The following DOCK10 variants were observed in gnomAD, a reference collection of about 807,000 sequenced individuals.
DOCK10 encodes dedicator of cytokinesis protein 10.
Under a neutral mutation model 280.1 loss-of-function variants are expected in DOCK10, and 145 were observed. That is an observed-to-expected ratio of 0.52 (90% confidence interval 0.45 to 0.59). The LOEUF (loss-of-function observed/expected upper bound fraction) is 0.59, where lower values mean the gene tolerates loss of function less well. Ranked by LOEUF, DOCK10 falls within the 20% of genes least tolerant of loss-of-function variation. The probability of loss-of-function intolerance (pLI) is 0.00; values close to 1 mark genes in which losing one functional copy is unlikely to be tolerated. For missense variants in DOCK10, 2,368 were observed against 2,651.7 expected (o/e 0.89, Z 2.35); for synonymous variants, 915 against 942.2 (o/e 0.97, Z 0.53).
chr2:224,971,175 A>G (rs1705060706), intron 1 of DOCK10, among the ~76,000 whole-genome samples: 1 of 152,190 alleles, frequency 6.6e-6, no homozygotes, highest in African/African-American at 2.4e-5. Flanking sequence ...TTTTAAAGAG[A>G]AGTACCATTT....
intron 28 of DOCK10, among the ~76,000 whole-genome samples, chr2:224,822,003 A>T (rs1281504889): frequency 6.6e-6 from 1 of 152,208 alleles, no homozygotes; most frequent in African/African-American, 2.4e-5. Flanking sequence ...AACACATTAA[A>T]AAAAAGAAAT....
At chr2:225,023,342 A>G (rs563445833) in intron 1 of DOCK10, among the ~76,000 whole-genome samples, 61 of 152,208 alleles carry the variant, frequency 4.0e-4, no homozygotes, top group African/African-American at 1.5e-3. Flanking sequence ...AGCCCAAAAC[A>G]ACTTCTAATA....
chr2:224,911,682 C>G (rs556089790), intron 3 of DOCK10, among the ~76,000 whole-genome samples: 1 of 152,038 alleles, frequency 6.6e-6, no homozygotes, highest in East Asian at 1.9e-4. Context: ...GCCTTGGGTT[C>G]TAGAGACTCA....
intron 2 of DOCK10, among the ~76,000 whole-genome samples, chr2:224,927,322 A>G (rs1448348373): frequency 6.6e-6 from 1 of 152,208 alleles, no homozygotes; most frequent in African/African-American, 2.4e-5. Context: ...TTTGACTCTT[A>G]AGGCAATGGG....
chr2:224,882,678 G>A (rs1285986798), intron 7 of DOCK10, among the ~76,000 whole-genome samples: 1 of 152,164 alleles, frequency 6.6e-6, no homozygotes, highest in African/African-American at 2.4e-5. Context: ...AGGCAGAGAC[G>A]TTGTTCCTCT....
chr2:224,993,934 C>A (rs1230485338), intron 1 of DOCK10, among the ~76,000 whole-genome samples: 5 of 152,158 alleles, frequency 3.3e-5, no homozygotes, highest in Non-Finnish European at 7.3e-5. Context: ...TATTACATTT[C>A]TGAAGGGAAT....
intron 7 of DOCK10, among the ~76,000 whole-genome samples, chr2:224,877,972 G>C (rs1381242384): frequency 6.6e-6 from 1 of 152,118 alleles, no homozygotes; most frequent in African/African-American, 2.4e-5. Flanking sequence ...AATTGTAATA[G>C]AGCAAACCCT....
At chr2:224,851,868 A>T (rs1368644292) in intron 18 of DOCK10, among the ~76,000 whole-genome samples, 2 of 152,122 alleles carry the variant, frequency 1.3e-5, no homozygotes, top group Non-Finnish European at 2.9e-5. Context: ...AGTTTTATGG[A>T]TCTTACTAAA....
At position 224,897,410 on chromosome 2, in the gene DOCK10, C is replaced by T. The variant is rs560766405; in HGVS notation, c.334-1033G>A. ...ATTTATCGTTTGTGTTATGAACCAT[C>T]CAATTATACTCTTTTAGTTATTTTT... is the stretch of plus-strand genomic sequence containing the variant. On this transcript the variant is annotated intron_variant, in intron 3 of 55. Transcript: ENST00000258390. Among the ~76,000 whole-genome samples, 14 of 152,220 alleles carry T rather than the reference C, an allele frequency of 9.2e-5. No individual in the cohort carries two copies. In the South Asian group the frequency reaches 2.9e-3, roughly 32 times the overall value.
chr2:225,012,416 A>G (rs1338568995), intron 1 of DOCK10, among the ~76,000 whole-genome samples: 1 of 152,228 alleles, frequency 6.6e-6, no homozygotes, highest in Non-Finnish European at 1.5e-5. Flanking sequence ...CATGCTTCCA[A>G]GTTCATTTTA....
chr2:225,005,719 G>A (rs1045367759), intron 1 of DOCK10, among the ~76,000 whole-genome samples: 1 of 152,224 alleles, frequency 6.6e-6, no homozygotes, highest in Non-Finnish European at 1.5e-5. Context: ...AGCCCACTCG[G>A]TCTTTGTGTG....
chr2:224,841,344 C>A (rs1008413901), intron 23 of DOCK10, among the ~76,000 whole-genome samples: 1 of 152,038 alleles, frequency 6.6e-6, no homozygotes, highest in Non-Finnish European at 1.5e-5. Context: ...AAACATCATA[C>A]TGTATACAAT....
chr2:224,819,560 C>A, intron 28 of DOCK10, 31 bp from the exon 29 acceptor site: 1 of 1,361,388 alleles, frequency 7.3e-7, no homozygotes, highest in South Asian at 1.3e-5. Flanking sequence ...AATTTAAACA[C>A]TTTTACTTGA....
At chr2:224,964,562 T>G (rs558930918) in intron 1 of DOCK10, among the ~76,000 whole-genome samples, 5 of 152,278 alleles carry the variant, frequency 3.3e-5, no homozygotes, top group African/African-American at 1.2e-4. Flanking sequence ...TGGAGTTCAG[T>G]GGCATCATTA....
intron 4 of DOCK10, among the ~76,000 whole-genome samples, chr2:224,890,364 G>A (rs1296872272): frequency 6.6e-6 from 1 of 152,214 alleles, no homozygotes; most frequent in Non-Finnish European, 1.5e-5. Context: ...ACAAAAATGT[G>A]ATGAAACAAA....
intron 1 of DOCK10, among the ~76,000 whole-genome samples, chr2:224,972,185 T>A (rs1221725923): frequency 6.6e-6 from 1 of 152,220 alleles, no homozygotes; most frequent in Non-Finnish European, 1.5e-5. Context: ...GAATTGGAAG[T>A]GCTCAGCAAA....
At chr2:224,957,288 C>CT (rs1553622550) in intron 1 of DOCK10, among the ~76,000 whole-genome samples, 1 of 145,816 alleles carries the variant, frequency 6.9e-6, no homozygotes. Flanking sequence ...ACTTTCCGCC[C>CT]CCCCCCGGCT....
At chr2:224,954,463 A>AT (rs558408059) in intron 1 of DOCK10, among the ~76,000 whole-genome samples, 5 of 150,968 alleles carry the variant, frequency 3.3e-5, no homozygotes, top group African/African-American at 7.3e-5. Context: ...GAAGTTTTTG[A>AT]TTTTTTTTTG....
chr2:224,847,008 T>C (rs1166118439), intron 19 of DOCK10, among the ~76,000 whole-genome samples: 2 of 152,210 alleles, frequency 1.3e-5, no homozygotes, highest in African/African-American at 2.4e-5. Context: ...GATCTCTTTT[T>C]TTAAAACTAA....
Sources: gnomAD v4.1 joint callset for allele counts (sites outside exome capture counted in the v4.1 genomes callset) on GRCh38, gnomAD v4.1.1 for gene constraint, MANE v1.5 for transcripts, NCBI Gene and HGNC (gene_info 2026-07-23, HGNC 2026-07-21) for gene names.